SLC18A2: variants seen among roughly 807,000 people sequenced by gnomAD.
The protein encoded by SLC18A2 is synaptic vesicular amine transporter.
A neutral mutation model predicts 59.2 loss-of-function variants in SLC18A2; 33 were observed. That is an observed-to-expected ratio of 0.56 (90% CI 0.42 to 0.75). SLC18A2 has a LOEUF of 0.75. Ranked by LOEUF, SLC18A2 falls within the 30% of genes least tolerant of loss-of-function variation. SLC18A2 has a pLI of 0.00. For synonymous variants in SLC18A2, 228 were observed against 253.5 expected (o/e 0.90, Z 0.95); for missense variants, 569 against 668.6 (o/e 0.85, Z 1.64).
At chr10:117,261,656 T>C (rs1844295758) in intron 10 of SLC18A2, among the ~76,000 whole-genome samples, 1 of 152,228 alleles carries the variant, frequency 6.6e-6, no homozygotes, top group Non-Finnish European at 1.5e-5. Context: ...CTGTTCTGCC[T>C]GCCTCCCTGC....
At position 117,255,231 on chromosome 10, in the gene SLC18A2, AGGGCATGTGTCCCAG is replaced by A. The variant is rs775830882; in HGVS notation, c.701-42_701-28del. On this transcript the variant is annotated intron_variant, in intron 6 of 15. Transcript: ENST00000644641. ...AAATAGATGGTTCTAGTACAGGGAGAGGGCATGTGTCCCAGGGGTGGTGTCCCCACTTTCTCTCCC... is the reference window on the plus strand; with the variant it reads ...AAATAGATGGTTCTAGTACAGGGAGAGGGTGGTGTCCCCACTTTCTCTCCC... 37 of 1,520,214 alleles carry A rather than the reference AGGGCATGTGTCCCAG, an allele frequency of 2.4e-5. No individual in the cohort carries two copies. The South Asian group carries it at 2.5e-4, about 10-fold the overall frequency. The allele number at this position is 1,520,214 out of a possible 1,614,324, so 94.2% of individuals were successfully genotyped here.
At chr10:117,261,291 G>A (rs1324734049) in intron 10 of SLC18A2, among the ~76,000 whole-genome samples, 2 of 152,098 alleles carry the variant, frequency 1.3e-5, no homozygotes, top group African/African-American at 2.4e-5. Flanking sequence ...CCAGCTACTC[G>A]GGAGATTGAG....
Position 117,269,032 on chromosome 10 carries a change from A to G in SLC18A2, c.1187-1039A>G. Among the ~76,000 whole-genome samples, 1 of 149,034 alleles carries G rather than the reference A, an allele frequency of 6.7e-6. No individual in the cohort carries two copies. Among genetic ancestry groups the G allele is most frequent in the African/African-American group, 2.4e-5 (1 of 40,954 alleles). Reference sequence around the variant, plus strand: ...CACACACTGACACACGCATACACACACACATACACACATACACCCCCCACA... The same window carrying G: ...CACACACTGACACACGCATACACACGCACATACACACATACACCCCCCACA... On this transcript the variant is annotated intron_variant, in intron 13 of 15. Transcript: ENST00000644641. This position sits in a 1 kb window ranked among gnomAD's most constrained non-coding sequence, Gnocchi z 5.1.
chr10:117,251,287 C>T (rs1034386592), intron 3 of SLC18A2, among the ~76,000 whole-genome samples: 11 of 152,180 alleles, frequency 7.2e-5, no homozygotes, highest in African/African-American at 2.7e-4. Flanking sequence ...AAATAAATTG[C>T]CTGTGAGTTC....
chr10:117,249,457 G>A (rs1221444682), intron 3 of SLC18A2, among the ~76,000 whole-genome samples: 2 of 152,202 alleles, frequency 1.3e-5, no homozygotes, highest in African/African-American at 4.8e-5. Flanking sequence ...ACTATATCCA[G>A]GCAAATTGAA....
chr10:117,258,047 G>A (rs1175915109), intron 10 of SLC18A2, among the ~76,000 whole-genome samples, 155 bp downstream of exon 10: 1 of 152,060 alleles, frequency 6.6e-6, no homozygotes, highest in African/African-American at 2.4e-5. Flanking sequence ...GCAGCCTTGG[G>A]GTCTGTTTGT....
chr10:117,266,353 T>C (rs1288941585), intron 10 of SLC18A2, among the ~76,000 whole-genome samples: 3 of 152,258 alleles, frequency 2.0e-5, no homozygotes, highest in Admixed American at 1.3e-4. Context: ...TATCTCACGG[T>C]TCCCTAATTC....
At chr10:117,255,831 A>T (rs946888165) in intron 9 of SLC18A2, among the ~76,000 whole-genome samples, 174 bp downstream of exon 9, 3 of 152,184 alleles carry the variant, frequency 2.0e-5, no homozygotes, top group South Asian at 4.1e-4. Flanking sequence ...TTCTTCCGCC[A>T]TTGCTTTCTG....
At position 117,262,757 on chromosome 10, in the gene SLC18A2, C is replaced by T. The variant is rs116490768; in HGVS notation, c.992-3976C>T. On this transcript the variant is annotated intron_variant, in intron 10 of 15. Transcript: ENST00000644641. ...TAATCATGGCTCACTGTAGCCTCAA[C>T]CTCCTGGGCTCAAGCTGTCCTCCTG... Among the ~76,000 whole-genome samples, 303 of 152,140 alleles carry T rather than the reference C, an allele frequency of 2.0e-3. 1 individual carries two copies. The highest frequency in any genetic ancestry group is 6.9e-3 in the African/African-American group (287 of 41,486).
chr10:117,253,940 A>T (rs1844194298), intron 4 of SLC18A2, 108 bp from the exon 5 acceptor site: 2 of 940,930 alleles, frequency 2.1e-6, no homozygotes, highest in African/African-American at 1.6e-5. Context: ...AGGGTGGCTA[A>T]CATGCAAATG....
chr10:117,241,799 C>G lies in SLC18A2; in HGVS notation c.106C>G (p.Leu36Val). Reference sequence around the variant, plus strand: ...CCTGGCGCTGCTGCTGGACAACATGCTGCTCACTGTCGTGGGTACGTGCGG... The same window carrying G: ...CCTGGCGCTGCTGCTGGACAACATGGTGCTCACTGTCGTGGGTACGTGCGG... ...VFLALLLDNM[L>V]LTVVVPIIPS... The change falls in exon 2 of 16, where the codon CTG becomes GTG. Residue 36 changes from leucine to valine, a missense_variant. By Grantham distance (32) the Leu-to-Val change is conservative. Coordinates refer to ENST00000644641, the MANE Select transcript of SLC18A2 (RefSeq NM_003054.6). The G allele has an allele frequency of 6.2e-7, 1 of 1,608,150 alleles. No homozygotes were observed. The highest frequency in any genetic ancestry group is 8.5e-7 in the Non-Finnish European group (1 of 1,177,884).
At position 117,245,953 on chromosome 10, in the gene SLC18A2, A is replaced by G. The variant is rs363392; in HGVS notation, c.464+1640A>G. Among the ~76,000 whole-genome samples the G allele has an allele frequency of 4.2e-3, 633 of 152,368 alleles. 7 individuals carry two copies. Among genetic ancestry groups the G allele is most frequent in the African/African-American group, 0.014 (579 of 41,588 alleles). Reference sequence around the variant, plus strand: ...CAGAGCAATATTCTAAGGCTGCTACATAAAACATGCTAAGCAAATTAACCC... The same window carrying G: ...CAGAGCAATATTCTAAGGCTGCTACGTAAAACATGCTAAGCAAATTAACCC... On this transcript the variant is annotated intron_variant, in intron 3 of 15. Coordinates refer to ENST00000644641, the MANE Select transcript of SLC18A2 (RefSeq NM_003054.6).
At position 117,270,132 on chromosome 10, in the gene SLC18A2, C is replaced by G. The variant is rs140884646; in HGVS notation, c.1248C>G (p.Ser416=). Residue 416 remains serine (S), a synonymous_variant, in exon 14 of 16, where the codon TCC becomes TCG. Transcript: ENST00000644641. ...MGYLVDLRHV[S]VYGSVYAIAD... is the part of the protein sequence containing the mutation. ...ACCTCGTAGACCTGCGGCACGTGTC[C>G]GTCTATGGGAGTGTGTACGCCATTG... 3.7e-6 allele frequency: 6 copies of G among 1,614,058 alleles called. No individual in the cohort carries two copies.
chr10:117,263,206 CT>C (rs1444679270), intron 10 of SLC18A2, among the ~76,000 whole-genome samples: 4 of 152,192 alleles, frequency 2.6e-5, no homozygotes, highest in Admixed American at 2.0e-4. Context: ...TTCCCTAGTT[CT>C]CTGTAGCTTT....
chr10:117,258,154 C>T (rs1228602257), intron 10 of SLC18A2, among the ~76,000 whole-genome samples: 2 of 152,164 alleles, frequency 1.3e-5, no homozygotes, highest in Non-Finnish European at 2.9e-5. Context: ...AGCATCTTCC[C>T]CTGTTTCTGA....
chr10:117,244,338 G>A lies in SLC18A2; in HGVS notation c.464+25G>A, dbSNP rs571631249. The A allele has an allele frequency of 2.2e-5, 34 of 1,580,054 alleles. No homozygotes were observed. The South Asian group carries it at 3.2e-4, about 15-fold the overall frequency. On this transcript the variant is annotated intron_variant, in intron 3 of 15. Transcript: ENST00000644641. Reference sequence around the variant, plus strand: ...GGTAGGGCAGACTACTTTAGTCAAAGAGTTTGATATTTGTATCAGTCCTAG... The same window carrying A: ...GGTAGGGCAGACTACTTTAGTCAAAAAGTTTGATATTTGTATCAGTCCTAG...
chr10:117,272,618 C>T (rs375672039), intron 15 of SLC18A2, among the ~76,000 whole-genome samples: 27 of 152,272 alleles, frequency 1.8e-4, no homozygotes, highest in African/African-American at 6.3e-4. Flanking sequence ...AAAGGCCAAA[C>T]AGTAAGAATT....
At position 117,270,162 on chromosome 10, in the gene SLC18A2, T is replaced by C; in HGVS notation, c.1278T>C (p.Asp426=). The C allele has an allele frequency of 6.2e-7, 1 of 1,614,264 alleles. No individual in the cohort carries two copies. Among genetic ancestry groups the C allele is most frequent in the Non-Finnish European group, 8.5e-7 (1 of 1,180,044 alleles). ...SVYGSVYAIA[D]VAFCMGYAIG... is the part of the protein sequence containing the mutation. ...ATGGGAGTGTGTACGCCATTGCGGA[T>C]GTGGCATTTTGTATGGGGTATGCTA... Residue 426 remains aspartate (D), a synonymous_variant, in exon 14 of 16, where the codon GAT becomes GAC. Coordinates refer to ENST00000644641, the MANE Select transcript of SLC18A2 (RefSeq NM_003054.6).
At chr10:117,264,770 T>G (rs363257) in intron 10 of SLC18A2, among the ~76,000 whole-genome samples, 16,360 of 152,164 alleles carry the variant, frequency 0.11, 1,638 homozygotes, top group African/African-American at 0.27. Context: ...ATGAGACAAA[T>G]GTTGTCATGA....
Sources: allele counts gnomAD v4.1 joint callset (sites outside exome capture counted in the v4.1 genomes callset), GRCh38; gene constraint gnomAD v4.1.1; non-coding constraint Gnocchi (gnomAD v3.1); transcripts MANE v1.5; gene names NCBI Gene and HGNC (gene_info 2026-07-23, HGNC 2026-07-21).